Variants in TTC29 observed in about 807,000 individuals in gnomAD.
TTC29 encodes tetratricopeptide repeat domain 29, also known as tetratricopeptide repeat protein 29.
Under a neutral mutation model 58.1 loss-of-function variants are expected in TTC29, and 49 were observed. That is an observed-to-expected ratio of 0.84 (90% CI 0.67 to 1.07). The LOEUF (loss-of-function observed/expected upper bound fraction) is 1.07. Ranked by LOEUF, TTC29 falls within the 50% of genes least tolerant of loss-of-function variation. The pLI, the probability that TTC29 is intolerant of heterozygous loss-of-function variation, is 0.00. For missense variants in TTC29, 582 were observed against 555.6 expected (o/e 1.05, Z -0.48); for synonymous variants, 209 against 196.8 (o/e 1.06, Z -0.52).
At chr4:146,783,198 A>G (rs748005781) in intron 11 of TTC29, among the ~76,000 whole-genome samples, 4 of 152,020 alleles carry the variant, frequency 2.6e-5, no homozygotes, top group African/African-American at 7.2e-5. Flanking sequence ...GCTAGTTAAC[A>G]TATTTGTTAC....
At chr4:146,867,277 C>T (rs1285628350) in intron 8 of TTC29, among the ~76,000 whole-genome samples, 1 of 152,070 alleles carries the variant, frequency 6.6e-6, no homozygotes, top group Non-Finnish European at 1.5e-5. Context: ...TCCCAAAGCA[C>T]TTCATAGTAA....
chr4:146,809,440 G>A (rs76784065), intron 10 of TTC29, among the ~76,000 whole-genome samples: 1 of 150,088 alleles, frequency 6.7e-6, no homozygotes, highest in East Asian at 2.0e-4. Flanking sequence ...TATCATCAGA[G>A]TGAACAGACA....
At chr4:146,837,529 T>A (rs6812788) in intron 8 of TTC29, among the ~76,000 whole-genome samples, 57,153 of 151,802 alleles carry the variant, frequency 0.38, 11,615 homozygotes, top group African/African-American at 0.51. Context: ...TTTTATACTG[T>A]TTTATAGTAG....
chr4:146,942,709 A>G, intron 2 of TTC29: 2 of 1,302,780 alleles, frequency 1.5e-6, no homozygotes, highest in Non-Finnish European at 2.1e-6. Flanking sequence ...AAGGGAGAGA[A>G]GAAAACAACT....
intron 11 of TTC29, among the ~76,000 whole-genome samples, chr4:146,750,544 T>G (rs1379362340): frequency 1.3e-5 from 2 of 152,088 alleles, no homozygotes; most frequent in African/African-American, 4.8e-5. Flanking sequence ...TGTTAAGAAA[T>G]GTACAATATA....
chr4:146,820,208 A>T lies in TTC29; in HGVS notation c.1018T>A (p.Phe340Ile), dbSNP rs1199847609. The change falls in exon 10 of 13, where the codon TTT becomes ATT. Residue 340 changes from phenylalanine (F) to isoleucine (I), a missense_variant. Phe to Ile is a conservative substitution (Grantham distance 21, BLOSUM62 0). Coordinates refer to ENST00000325106, the MANE Select transcript of TTC29 (RefSeq NM_031956.4). ...MTEAIKYLKK[F>I]VKIARNNFQS... ...AAATTGTTTCTTGCAATTTTCACAA[A>T]TTTTTTCAAGTATTTAATTGCTTCT... The T allele has an allele frequency of 4.3e-6, 7 of 1,612,870 alleles. No individual in the cohort carries two copies. The highest frequency in any genetic ancestry group is 4.5e-5 in the East Asian group (2 of 44,806).
At chr4:146,738,210 A>G (rs911606681) in intron 11 of TTC29, among the ~76,000 whole-genome samples, 1 of 152,222 alleles carries the variant, frequency 6.6e-6, no homozygotes, top group Non-Finnish European at 1.5e-5. Flanking sequence ...AAAAATAAAT[A>G]ACAAATGGAG....
intron 11 of TTC29, among the ~76,000 whole-genome samples, chr4:146,737,087 C>T (rs1416133134): frequency 6.6e-6 from 1 of 152,082 alleles, no homozygotes; most frequent in Non-Finnish European, 1.5e-5. Context: ...GGCTGAATTC[C>T]GTGCTGTTTT....
chr4:146,849,848 C>G (rs890894527), intron 8 of TTC29, among the ~76,000 whole-genome samples: 5 of 152,102 alleles, frequency 3.3e-5, no homozygotes, highest in Admixed American at 2.0e-4. Context: ...GTGCTTCCCT[C>G]GAGTATCTGC....
chr4:146,769,359 A>T (rs1747552490), intron 11 of TTC29, among the ~76,000 whole-genome samples: 1 of 151,968 alleles, frequency 6.6e-6, no homozygotes, highest in Admixed American at 6.6e-5. Context: ...TATTTTCCTG[A>T]TTTCTAGAAT....
intron 11 of TTC29, among the ~76,000 whole-genome samples, chr4:146,790,988 C>T (rs1469019876): frequency 2.0e-5 from 3 of 152,210 alleles, no homozygotes; most frequent in Admixed American, 1.3e-4. Flanking sequence ...AGGGCAGCTA[C>T]TTCTTTTGTA....
chr4:146,842,933 C>A (rs1263066574), intron 8 of TTC29, among the ~76,000 whole-genome samples: 1 of 152,184 alleles, frequency 6.6e-6, no homozygotes, highest in African/African-American at 2.4e-5. Flanking sequence ...TTCTGGCAAT[C>A]TAACCCCCTT....
intron 6 of TTC29, among the ~76,000 whole-genome samples, chr4:146,895,261 A>T (rs1347922314): frequency 6.6e-6 from 1 of 152,144 alleles, no homozygotes; most frequent in Non-Finnish European, 1.5e-5. Flanking sequence ...CTTCCAAGAA[A>T]CTTGAGTGAA....
intron 11 of TTC29, among the ~76,000 whole-genome samples, chr4:146,798,710 AC>A (rs1244470498): frequency 3.3e-5 from 5 of 151,504 alleles, no homozygotes; most frequent in Admixed American, 2.0e-4. Flanking sequence ...ACACAGTGAA[AC>A]CCCGTCTCTA....
At chr4:146,856,953 T>A (rs932319035) in intron 8 of TTC29, among the ~76,000 whole-genome samples, 1 of 151,932 alleles carries the variant, frequency 6.6e-6, no homozygotes, top group African/African-American at 2.4e-5. Flanking sequence ...TTTTTGTAAT[T>A]CCCCAAGTAT....
At chr4:146,824,906 T>C (rs927946551) in intron 9 of TTC29, among the ~76,000 whole-genome samples, 4 of 152,348 alleles carry the variant, frequency 2.6e-5, no homozygotes, top group East Asian at 1.9e-4. Flanking sequence ...TTTACCATAT[T>C]CTCTGTTAGT....
At chr4:146,902,485 C>T (rs895053434) in intron 6 of TTC29, among the ~76,000 whole-genome samples, 3 of 152,166 alleles carry the variant, frequency 2.0e-5, no homozygotes, top group African/African-American at 7.2e-5. Context: ...AGAAACACTC[C>T]ACACTTCCCA....
chr4:146,837,187 C>T (rs577342855), intron 8 of TTC29, among the ~76,000 whole-genome samples: 142 of 152,146 alleles, frequency 9.3e-4, no homozygotes, highest in African/African-American at 3.2e-3. Context: ...GATCATGTCC[C>T]TTGCAGCAAC....
chr4:146,828,125 T>C (rs978867093), intron 9 of TTC29, among the ~76,000 whole-genome samples: 2 of 152,248 alleles, frequency 1.3e-5, no homozygotes, highest in Admixed American at 1.3e-4. Flanking sequence ...CATACTAAAA[T>C]TATGACCGAT....
Sources: gnomAD v4.1 joint callset for allele counts (sites outside exome capture counted in the v4.1 genomes callset) on GRCh38, gnomAD v4.1.1 for gene constraint, MANE v1.5 for transcripts, NCBI Gene and HGNC (gene_info 2026-07-23, HGNC 2026-07-21) for gene names.